The following LYPD6 variants were observed in gnomAD, a reference collection of about 807,000 sequenced individuals.
The protein encoded by LYPD6 is LY6/PLAUR domain containing 6.
A neutral mutation model predicts 22.7 loss-of-function variants in LYPD6; 15 were observed. That is an observed-to-expected ratio of 0.66 (90% confidence interval 0.44 to 1.02). The LOEUF (loss-of-function observed/expected upper bound fraction) is 1.02. Ranked by LOEUF, LYPD6 falls within the 50% of genes least tolerant of loss-of-function variation. LYPD6 has a pLI of 0.00. For missense variants in LYPD6, 189 were observed against 208.4 expected (o/e 0.91, Z 0.57); for synonymous variants, 72 against 77.5 (o/e 0.93, Z 0.37).
intron 1 of LYPD6, among the ~76,000 whole-genome samples, chr2:149,407,885 T>C (rs952654302): frequency 1.3e-5 from 2 of 152,184 alleles, no homozygotes; most frequent in East Asian, 3.8e-4. Flanking sequence ...TGGTCTTTGA[T>C]GATGGTGACG....
chr2:149,424,283 T>C (rs1253830667), intron 1 of LYPD6, among the ~76,000 whole-genome samples: 1 of 152,170 alleles, frequency 6.6e-6, no homozygotes, highest in Non-Finnish European at 1.5e-5. Flanking sequence ...TTTACGCCCT[T>C]AAGGAGCTCA....
In LYPD6 at chr2:149,339,441, C is replaced by T. The variant is rs1681118359; in HGVS notation, c.-72+8719C>T. 1.3e-5 allele frequency among the ~76,000 whole-genome samples: 2 copies of T among 152,100 alleles called. 1 individual carries two copies. The highest frequency in any genetic ancestry group is 4.1e-4 in the South Asian group (2 of 4,834). Reference sequence around the variant, plus strand: ...TGTGCCCAGTTTCCAGAATCATGGCCCTCAGGGAAGCCCCAAGCATGGTGT... The same window carrying T: ...TGTGCCCAGTTTCCAGAATCATGGCTCTCAGGGAAGCCCCAAGCATGGTGT... On this transcript the variant is annotated intron_variant, in intron 1 of 4. Coordinates refer to ENST00000334166, the MANE Select transcript of LYPD6 (RefSeq NM_194317.5).
chr2:149,404,126 G>A (rs867157375), intron 1 of LYPD6, among the ~76,000 whole-genome samples: 11 of 152,126 alleles, frequency 7.2e-5, no homozygotes, highest in African/African-American at 2.4e-4. Flanking sequence ...TGCTGTTTTG[G>A]TTACTGTAGG....
At chr2:149,352,588 C>T (rs1172234123) in intron 1 of LYPD6, among the ~76,000 whole-genome samples, 2 of 152,188 alleles carry the variant, frequency 1.3e-5, no homozygotes. Context: ...GAGCAGGGGT[C>T]AGTCAAATCT....
chr2:149,426,838 G>A (rs192480316), intron 1 of LYPD6, among the ~76,000 whole-genome samples: 1 of 152,262 alleles, frequency 6.6e-6, no homozygotes, highest in Non-Finnish European at 1.5e-5. Context: ...AAAGACATTG[G>A]GTGGGGTGGG....
In LYPD6 at chr2:149,472,734, A is replaced by G. The variant is rs149870524; in HGVS notation, c.*1884A>G. On this transcript the variant is annotated 3_prime_UTR_variant, in exon 5 of 5. Coordinates refer to ENST00000334166, the MANE Select transcript of LYPD6 (RefSeq NM_194317.5). The stretch of plus-strand genomic sequence containing the variant: ...GATTAATCCCTGCAAGAATCCTATA[A>G]AGAATGTTACTAGCATTTACACTTC... The G allele has an allele frequency of 6.5e-6, 1 of 152,744 alleles. No homozygotes were observed. Among genetic ancestry groups the G allele is most frequent in the African/African-American group, 2.4e-5 (1 of 41,584 alleles). 9.5% of individuals were successfully genotyped at this position (152,744 alleles called of 1,614,324 possible).
At chr2:149,360,397 A>G (rs1681549307) in intron 1 of LYPD6, among the ~76,000 whole-genome samples, 1 of 152,190 alleles carries the variant, frequency 6.6e-6, no homozygotes, top group African/African-American at 2.4e-5. Context: ...CCCCTATTCA[A>G]GATGGAGTTG....
intron 1 of LYPD6, among the ~76,000 whole-genome samples, chr2:149,337,467 C>A (rs779180844): frequency 6.6e-6 from 1 of 152,076 alleles, no homozygotes; most frequent in Non-Finnish European, 1.5e-5. Flanking sequence ...CTGCCACTTG[C>A]ATCCATCTCT....
At chr2:149,439,840 T>A (rs1444440541) in intron 2 of LYPD6, 1 of 152,208 alleles carries the variant, frequency 6.6e-6, no homozygotes, top group Non-Finnish European at 1.5e-5. Context: ...ACTCGCCATA[T>A]GTAAAGAATT....
At chr2:149,403,968 A>G (rs1682627748) in intron 1 of LYPD6, among the ~76,000 whole-genome samples, 1 of 152,216 alleles carries the variant, frequency 6.6e-6, no homozygotes, top group South Asian at 2.1e-4. Context: ...CAGTTTTCCC[A>G]GCACCATTTA....
chr2:149,468,028 T>C (rs1451016094), intron 3 of LYPD6, among the ~76,000 whole-genome samples: 1 of 152,002 alleles, frequency 6.6e-6, no homozygotes, highest in Non-Finnish European at 1.5e-5. Flanking sequence ...GGAAAAATGT[T>C]CATTATTGTT....
chr2:149,393,312 CCTATT>C (rs1682355854), intron 1 of LYPD6, among the ~76,000 whole-genome samples: 2 of 151,956 alleles, frequency 1.3e-5, no homozygotes, highest in Admixed American at 1.3e-4. Context: ...CCATTTAAAA[CCTATT>C]CTTGTGTTCC....
chr2:149,387,690 G>T (rs1234563294), intron 1 of LYPD6, among the ~76,000 whole-genome samples: 5 of 152,176 alleles, frequency 3.3e-5, no homozygotes, highest in Admixed American at 3.3e-4. Context: ...CAATGAGCAC[G>T]AGGTGCTCCC....
intron 1 of LYPD6, among the ~76,000 whole-genome samples, chr2:149,337,208 C>T (rs1681051356): frequency 6.6e-6 from 1 of 152,088 alleles, no homozygotes; most frequent in Non-Finnish European, 1.5e-5. Context: ...AAGACTCTCC[C>T]AGTAAATACG....
At chr2:149,480,086 G>A in the LYPD6 span, among the ~76,000 whole-genome samples, 1 of 150,602 alleles carries the variant, frequency 6.6e-6, no homozygotes, top group Non-Finnish European at 1.5e-5. Flanking sequence ...AATGGCTCAC[G>A]TCAACCTCCG....
intron 1 of LYPD6, among the ~76,000 whole-genome samples, chr2:149,356,374 T>C (rs1373248261): frequency 6.6e-6 from 1 of 152,172 alleles, no homozygotes; most frequent in Non-Finnish European, 1.5e-5. Flanking sequence ...CTTTTCTATG[T>C]ATTAGTAAAA....
intron 1 of LYPD6, among the ~76,000 whole-genome samples, chr2:149,405,647 G>C (rs1159343521): frequency 6.6e-6 from 1 of 152,166 alleles, no homozygotes; most frequent in East Asian, 1.9e-4. Flanking sequence ...AGTCTTGCTA[G>C]TGGTCTATCA....
intron 1 of LYPD6, among the ~76,000 whole-genome samples, chr2:149,418,331 C>G (rs761433367): frequency 1.3e-5 from 2 of 152,114 alleles, no homozygotes; most frequent in East Asian, 3.9e-4. Context: ...TCCCTCATGT[C>G]TAGGAGTTTA....
chr2:149,451,072 G>A (rs1035428261), intron 3 of LYPD6, among the ~76,000 whole-genome samples: 1 of 152,122 alleles, frequency 6.6e-6, no homozygotes, highest in Non-Finnish European at 1.5e-5. Context: ...CCTCACACTG[G>A]GTAATATATA....
Sources: gnomAD v4.1 joint callset for allele counts (sites outside exome capture counted in the v4.1 genomes callset) on GRCh38, gnomAD v4.1.1 for gene constraint, MANE v1.5 for transcripts, NCBI Gene and HGNC (gene_info 2026-07-23, HGNC 2026-07-21) for gene names.